Variants in SH3GLB2 observed in about 807,000 individuals in gnomAD.
The protein encoded by SH3GLB2 is endophilin-B2.
SH3GLB2 carries 24 observed loss-of-function variants against 48.0 expected under a neutral mutation model. That is an observed-to-expected ratio of 0.50 (90% CI 0.36 to 0.70). The LOEUF is 0.70. SH3GLB2 is among the 30% of genes least tolerant of loss of function. The pLI, the probability that SH3GLB2 is intolerant of heterozygous loss-of-function variation, is 0.00. For missense variants in SH3GLB2, 425 were observed against 516.0 expected (o/e 0.82, Z 1.71); for synonymous variants, 227 against 207.6 (o/e 1.09, Z -0.80).
chr9:129,009,581 G>A, intron 9 of SH3GLB2, 190 bp downstream of exon 9: 1 of 1,529,078 alleles, frequency 6.5e-7, no homozygotes, highest in Non-Finnish European at 8.8e-7. Context: ...GGCTCCAGGG[G>A]ACTTGGCCGT....
chr9:129,020,724 G>A (rs1173792377), intron 3 of SH3GLB2, among the ~76,000 whole-genome samples: 2 of 151,714 alleles, frequency 1.3e-5, no homozygotes, highest in African/African-American at 4.8e-5. Context: ...AAAAAAATTA[G>A]CCAGGCGTGG....
intron 1 of SH3GLB2, among the ~76,000 whole-genome samples, chr9:129,027,680 G>C (rs556438945): frequency 6.6e-6 from 1 of 152,358 alleles, no homozygotes; most frequent in South Asian, 2.1e-4. Flanking sequence ...GGAGACTGAG[G>C]CTCGGAGAAG....
intron 1 of SH3GLB2, among the ~76,000 whole-genome samples, chr9:129,026,451 G>A (rs767579086): frequency 6.6e-6 from 1 of 152,224 alleles, no homozygotes; most frequent in Non-Finnish European, 1.5e-5. Context: ...AAGGGGTTTG[G>A]TGCTGGAGTC....
chr9:129,017,180 C>T (rs1013230481), intron 3 of SH3GLB2, among the ~76,000 whole-genome samples: 3 of 151,978 alleles, frequency 2.0e-5, no homozygotes, highest in African/African-American at 7.3e-5. Flanking sequence ...GAACTCCTGA[C>T]CTCAGGTGAT....
At chr9:129,016,585 G>C (rs1309242122) in intron 3 of SH3GLB2, among the ~76,000 whole-genome samples, 2 of 151,592 alleles carry the variant, frequency 1.3e-5, no homozygotes, top group Non-Finnish European at 2.9e-5. Context: ...TTGAAACCGG[G>C]AGGTGGAGGT....
chr9:129,013,288 G>T (rs1843229590), intron 5 of SH3GLB2: 1 of 515,312 alleles, frequency 1.9e-6, no homozygotes, highest in African/African-American at 1.9e-5. Context: ...CCAACCCCAG[G>T]ATGTGAGGTT....
At chr9:129,010,366 C>T (rs1843044957) in intron 7 of SH3GLB2, 157 bp from the exon 8 acceptor site, 4 of 669,766 alleles carry the variant, frequency 6.0e-6, no homozygotes, top group Non-Finnish European at 1.0e-5. Context: ...GAGCCCCAAC[C>T]CCAGAGAAGC....
At chr9:129,010,721 G>C (rs1843067686) in intron 6 of SH3GLB2, 28 bp from the exon 7 acceptor site, 4 of 1,613,658 alleles carry the variant, frequency 2.5e-6, no homozygotes, top group Non-Finnish European at 3.4e-6. Flanking sequence ...GGAGTGGCCA[G>C]CAGGGGAGGG....
intron 1 of SH3GLB2, among the ~76,000 whole-genome samples, chr9:129,023,442 A>G (rs1233059982): frequency 6.6e-6 from 1 of 152,192 alleles, no homozygotes; most frequent in Non-Finnish European, 1.5e-5. Context: ...TAGCTAAGAG[A>G]AAGGGCTTGC....
intron 1 of SH3GLB2, 60 bp downstream of exon 1, chr9:129,028,032 G>T (rs1391677737): frequency 6.9e-7 from 1 of 1,458,214 alleles, no homozygotes; most frequent in Non-Finnish European, 9.1e-7. Flanking sequence ...TCTGCCGCAG[G>T]GTGCTCCCCG....
intron 1 of SH3GLB2, among the ~76,000 whole-genome samples, chr9:129,023,132 T>A (rs1448838619): frequency 6.6e-6 from 1 of 152,058 alleles, no homozygotes; most frequent in Non-Finnish European, 1.5e-5. Context: ...AAGGCACCGG[T>A]GCTATGAGCT....
At chr9:129,023,660 C>A (rs1256783233) in intron 1 of SH3GLB2, among the ~76,000 whole-genome samples, 1 of 152,136 alleles carries the variant, frequency 6.6e-6, no homozygotes, top group Non-Finnish European at 1.5e-5. Flanking sequence ...TCCCTGGCTG[C>A]AGTTGGCTCC....
At position 129,009,120 on chromosome 9, in the gene SH3GLB2, G is replaced by A. The variant is rs1295338688; in HGVS notation, c.1066C>T (p.Leu356=). ...YEAADSSELA[L]LADELITVYS... ...ACCGGGCCCACCTCATCAGCCAGCA[G>A]GGCCAGCTCACTGCTGTCGGCTGCC... Residue 356 remains leucine, a synonymous_variant, in exon 10 of 11, where the codon CTG becomes TTG. Transcript: ENST00000372564. 5 of 1,609,332 alleles carry A rather than the reference G, an allele frequency of 3.1e-6. No homozygotes were observed. Among genetic ancestry groups the A allele is most frequent in the Non-Finnish European group, 4.2e-6 (5 of 1,179,754 alleles).
At chr9:129,012,500 G>A (rs1355250565) in intron 5 of SH3GLB2, 1 of 418,308 alleles carries the variant, frequency 2.4e-6, no homozygotes, top group Non-Finnish European at 4.2e-6. Flanking sequence ...GGAGAGTCCA[G>A]ACAAAGATCA....
At chr9:129,023,084 A>G (rs1843913779) in intron 1 of SH3GLB2, among the ~76,000 whole-genome samples, 1 of 152,210 alleles carries the variant, frequency 6.6e-6, no homozygotes, top group Non-Finnish European at 1.5e-5. Flanking sequence ...TGGGTTAGAC[A>G]TAAAGGCTGG....
At chr9:129,013,971 C>A (rs12335967) in intron 5 of SH3GLB2, 10,930 of 458,996 alleles carry the variant, frequency 0.024, 237 homozygotes, top group East Asian at 0.1. Context: ...AGCAAGCGGG[C>A]GGTCCAGCTC....
intron 1 of SH3GLB2, among the ~76,000 whole-genome samples, chr9:129,025,623 A>AAGGCAGGCAGGC (rs764337598): frequency 4.1e-5 from 6 of 146,228 alleles, no homozygotes; most frequent in African/African-American, 1.3e-4. Context: ...GGAAGGAAGG[A>AAGGCAGGCAGGC]AGGCAGGCAG....
At chr9:129,016,951 CTTTT>C (rs766780203) in intron 3 of SH3GLB2, among the ~76,000 whole-genome samples, 5 of 112,422 alleles carry the variant, frequency 4.4e-5, no homozygotes, top group East Asian at 2.5e-4. Flanking sequence ...ATACTCTGCT[CTTTT>C]TTTTTTTTTT....
In SH3GLB2 at chr9:129,012,226, G is replaced by T. The variant is rs1843167326; in HGVS notation, c.624+10C>A. 2 of 434,456 alleles carry T rather than the reference G, an allele frequency of 4.6e-6. No homozygotes were observed. The highest frequency in any genetic ancestry group is 6.5e-6 in the Non-Finnish European group (2 of 306,536). The allele number at this position is 434,456 out of a possible 1,614,324, so 26.9% of individuals were successfully genotyped here. ...GGACGAGGGGTGGGGTGGGGGTGGG[G>T]TGCGCTTACCGCGGAGGCGCTGGCC... On this transcript the variant is annotated intron_variant, in intron 6 of 10. Coordinates refer to ENST00000372564, the MANE Select transcript of SH3GLB2 (RefSeq NM_020145.4).
Sources: gnomAD v4.1 joint callset for allele counts (sites outside exome capture counted in the v4.1 genomes callset) on GRCh38, gnomAD v4.1.1 for gene constraint, MANE v1.5 for transcripts, NCBI Gene and HGNC (gene_info 2026-07-23, HGNC 2026-07-21) for gene names.